The following SLC26A8 variants were observed in gnomAD, a reference collection of about 807,000 sequenced individuals.
The protein encoded by SLC26A8 is solute carrier family 26 member 8, also known as testis anion transporter 1.
In SLC26A8, 70 loss-of-function variants were observed where a neutral mutation model predicts 105.0. The observed-to-expected ratio is 0.67, with a 90% CI of 0.55 to 0.81. The LOEUF is 0.81. Ranked by LOEUF, SLC26A8 falls within the 40% of genes least tolerant of loss-of-function variation. The pLI, the probability that SLC26A8 is intolerant of heterozygous loss-of-function variation, is 0.00. For missense variants in SLC26A8, 998 were observed against 1,181.8 expected (o/e 0.84, Z 2.28); for synonymous variants, 415 against 438.3 (o/e 0.95, Z 0.66).
rs188939304 is a variant in SLC26A8, at chr6:35,992,426, G to A, written c.792+84C>T. 5.0e-6 allele frequency: 7 copies of A among 1,399,034 alleles called. No homozygotes were observed. The Admixed American group carries it at 1.3e-4, about 26-fold the overall frequency. The allele number at this position is 1,399,034 out of a possible 1,614,324, so 86.7% of individuals were successfully genotyped here. A position where few individuals can be genotyped will look rare whatever the true frequency, so the allele number is the denominator to read the frequency against. On this transcript the variant is annotated intron_variant, in intron 6 of 19. Transcript: ENST00000490799. Reference sequence around the variant, plus strand: ...GCTGTGTCTCCTTTCAGAAGGGGCGGGAGTCTCCCTACTGAGCTCCACTTT... The same window carrying A: ...GCTGTGTCTCCTTTCAGAAGGGGCGAGAGTCTCCCTACTGAGCTCCACTTT...
At chr6:35,985,333 C>T (rs1773453603) in intron 7 of SLC26A8, among the ~76,000 whole-genome samples, 1 of 152,146 alleles carries the variant, frequency 6.6e-6, no homozygotes, top group Non-Finnish European at 1.5e-5. Context: ...TGATTGAGAC[C>T]TGTGTCAGAT....
chr6:35,965,740 C>T (rs1014939229), intron 11 of SLC26A8, among the ~76,000 whole-genome samples: 3 of 151,132 alleles, frequency 2.0e-5, no homozygotes, highest in African/African-American at 7.3e-5. Context: ...CCTGTAATCC[C>T]AGCACTTTGG....
At chr6:35,985,632 G>T (rs866767791) in intron 7 of SLC26A8, among the ~76,000 whole-genome samples, 1 of 146,308 alleles carries the variant, frequency 6.8e-6, no homozygotes, top group Non-Finnish European at 1.5e-5. Flanking sequence ...GGCAGAGGCT[G>T]CAGTGAGCTG....
chr6:36,019,740 A>G, intron 1 of SLC26A8, 31 bp from the exon 2 acceptor site: 1 of 1,564,978 alleles, frequency 6.4e-7, no homozygotes, highest in Non-Finnish European at 8.7e-7. Flanking sequence ...CAAATAAAAG[A>G]GCATTTTCAG....
chr6:36,004,445 T>A (rs913566954), intron 3 of SLC26A8, among the ~76,000 whole-genome samples: 1 of 152,142 alleles, frequency 6.6e-6, no homozygotes, highest in African/African-American at 2.4e-5. Flanking sequence ...TCTTTGTTTT[T>A]CTTTTTTTAT....
Position 35,943,854 on chromosome 6 carries a change from G to A in SLC26A8, c.*46C>T. On this transcript the variant is annotated 3_prime_UTR_variant, in exon 20 of 20. Coordinates refer to ENST00000490799, the MANE Select transcript of SLC26A8 (RefSeq NM_052961.4). ...TGGACAATTGACCCCTTTTTGGGTA[G>A]GAGGATTTGCCAGCATTATCTGACC... 6.3e-7 allele frequency: 1 copy of A among 1,582,390 alleles called. No individual in the cohort carries two copies.
At chr6:35,966,058 T>C (rs923701478) in intron 11 of SLC26A8, among the ~76,000 whole-genome samples, 2 of 152,042 alleles carry the variant, frequency 1.3e-5, no homozygotes, top group African/African-American at 4.8e-5. Flanking sequence ...ATTGGTTTAA[T>C]TTCTTAGCCC....
chr6:35,949,182 C>T (rs570523319), intron 19 of SLC26A8, among the ~76,000 whole-genome samples: 1 of 151,828 alleles, frequency 6.6e-6, no homozygotes, highest in Admixed American at 6.6e-5. Context: ...GCCTGTAATC[C>T]CAGCACTTTG....
intron 19 of SLC26A8, 94 bp from the exon 20 acceptor site, chr6:35,944,434 G>T: frequency 1.2e-6 from 1 of 834,784 alleles, no homozygotes; most frequent in Non-Finnish European, 1.9e-6. Context: ...ACTTTGAGAG[G>T]CTGGGGCAGG....
chr6:35,951,671 C>T (rs1771878479), intron 17 of SLC26A8, among the ~76,000 whole-genome samples, 172 bp from the exon 18 acceptor site: 1 of 152,102 alleles, frequency 6.6e-6, no homozygotes, highest in East Asian at 1.9e-4. Flanking sequence ...CTCCGCCTCC[C>T]AGGTTCAAGT....
At chr6:35,993,980 A>G (rs1761267596) in intron 5 of SLC26A8, among the ~76,000 whole-genome samples, 2 of 152,184 alleles carry the variant, frequency 1.3e-5, no homozygotes, top group Non-Finnish European at 2.9e-5. Context: ...GCTTACAATC[A>G]TCACTTCACT....
At chr6:35,975,537 G>T in intron 9 of SLC26A8, 49 bp from the exon 10 acceptor site, 2 of 1,170,816 alleles carry the variant, frequency 1.7e-6, no homozygotes, top group Non-Finnish European at 2.5e-6. Context: ...GTTGAAGAAT[G>T]CTGATTTTGA....
chr6:36,018,745 C>T (rs927953410), intron 2 of SLC26A8, among the ~76,000 whole-genome samples: 1 of 152,088 alleles, frequency 6.6e-6, no homozygotes, highest in African/African-American at 2.4e-5. Flanking sequence ...CTAGAAGGTT[C>T]AAAGCACAAA....
At chr6:36,023,162 TATCCATCCATCC>T (rs68186703) in intron 1 of SLC26A8, among the ~76,000 whole-genome samples, 15 of 142,974 alleles carry the variant, frequency 1.0e-4, no homozygotes, top group African/African-American at 2.3e-4. Context: ...ATAGTACCCT[TATCCATCCATCC>T]ATCCATCCAT....
intron 3 of SLC26A8, among the ~76,000 whole-genome samples, chr6:36,005,335 G>GT (rs1469306680): frequency 1.3e-5 from 2 of 152,058 alleles, no homozygotes; most frequent in African/African-American, 4.8e-5. Context: ...AATCTCATCA[G>GT]TTTTTTTACT....
Position 35,991,828 on chromosome 6 carries a change from C to A in SLC26A8, c.793-20G>T. 6.4e-7 allele frequency: 1 copy of A among 1,565,560 alleles called. No homozygotes were observed. The highest frequency in any genetic ancestry group is 1.4e-5 in the African/African-American group (1 of 72,748). On this transcript the variant is annotated intron_variant, in intron 6 of 19. Coordinates refer to ENST00000490799, the MANE Select transcript of SLC26A8 (RefSeq NM_052961.4). ...TATGTCCTGAAAGAAAATAAAATTACGGAGGCTTAGAAAGGGATGTAGTAA... is the reference window on the plus strand; with the variant it reads ...TATGTCCTGAAAGAAAATAAAATTAAGGAGGCTTAGAAAGGGATGTAGTAA...
At chr6:35,961,340 T>C (rs1772301284) in intron 12 of SLC26A8, among the ~76,000 whole-genome samples, 1 of 152,172 alleles carries the variant, frequency 6.6e-6, no homozygotes, top group South Asian at 2.1e-4. Context: ...AACTTCAATT[T>C]CCTCATGTGC....
intron 5 of SLC26A8, among the ~76,000 whole-genome samples, chr6:35,993,918 A>G (rs919877086): frequency 1.4e-4 from 22 of 152,238 alleles, no homozygotes; most frequent in South Asian, 4.1e-4. Context: ...GCACAGCCCA[A>G]TGAAGACTTT....
chr6:36,012,220 A>G lies in SLC26A8; in HGVS notation c.328+13T>C, dbSNP rs201855176. The G allele has an allele frequency of 1.2e-4, 196 of 1,610,568 alleles. No individual in the cohort carries two copies. Among genetic ancestry groups the G allele is most frequent in the African/African-American group, 1.2e-3 (89 of 74,804 alleles). On this transcript the variant is annotated intron_variant, in intron 3 of 19. Coordinates refer to ENST00000490799, the MANE Select transcript of SLC26A8 (RefSeq NM_052961.4). ...CATTGTCTTTGGATGAACAGGCTTC[A>G]TATCTTCCTTACCTTGGGGAACTTG...
Sources: gnomAD v4.1 joint callset for allele counts (sites outside exome capture counted in the v4.1 genomes callset) on GRCh38, gnomAD v4.1.1 for gene constraint, MANE v1.5 for transcripts, NCBI Gene and HGNC (gene_info 2026-07-23, HGNC 2026-07-21) for gene names.